SPATA6: variants seen among roughly 807,000 people sequenced by gnomAD.
SPATA6 encodes spermatogenesis-associated protein 6.
In SPATA6, 56 loss-of-function variants were observed where a neutral mutation model predicts 65.3. That is an observed-to-expected ratio of 0.86 (90% CI 0.69 to 1.07). SPATA6 has a LOEUF of 1.07. Among genes scored for constraint, SPATA6 ranks in the 50% least tolerant of loss-of-function variants. SPATA6 has a pLI of 0.00. For synonymous variants in SPATA6, 199 were observed against 213.2 expected (o/e 0.93, Z 0.58); for missense variants, 590 against 594.8 (o/e 0.99, Z 0.08).
chr1:48,411,321 T>G lies in SPATA6; in HGVS notation c.405+143A>C, dbSNP rs1652205260. ...AGTAACATATTGAAATCTAAAACAATTAAGATTTAAACTACAAAACAATTA... is the reference window on the plus strand; with the variant it reads ...AGTAACATATTGAAATCTAAAACAAGTAAGATTTAAACTACAAAACAATTA... On this transcript the variant is annotated intron_variant, in intron 5 of 12. Coordinates refer to ENST00000371847, the MANE Select transcript of SPATA6 (RefSeq NM_019073.4). The G allele has an allele frequency of 8.4e-6, 8 of 947,468 alleles. No individual in the cohort carries two copies. The South Asian group carries it at 2.3e-4, about 27-fold the overall frequency. 58.7% of individuals were successfully genotyped at this position (947,468 alleles called of 1,614,324 possible).
At chr1:48,314,662 C>A (rs925490412) in intron 11 of SPATA6, among the ~76,000 whole-genome samples, 4 of 151,948 alleles carry the variant, frequency 2.6e-5, no homozygotes, top group Non-Finnish European at 4.4e-5. Context: ...ACATTCAAAA[C>A]CTGGCAGAAG....
Position 48,305,796 on chromosome 1 carries a change from G to C in SPATA6, c.1277C>G (p.Pro426Arg), listed in dbSNP as rs545899442. The C allele has an allele frequency of 6.2e-7, 1 of 1,609,682 alleles. No homozygotes were observed. Among genetic ancestry groups the C allele is most frequent in the Non-Finnish European group, 8.5e-7 (1 of 1,177,220 alleles). Residue 426 changes from proline (P) to arginine (R), a missense_variant, in exon 12 of 13, where the codon CCC (proline) becomes CGC (arginine). Physicochemically the swap from Pro to Arg is moderately radical, Grantham distance 103. Transcript: ENST00000371847. ...LCRDSAYDSDPEYSSCQQPRG... is the reference protein window; with the variant it reads ...LCRDSAYDSDREYSSCQQPRG... ...TATATTTCATTCATACCTATACTCG[G>C]GGTCACTGTCATAGGCAGAGTCTCT...
chr1:48,450,207 C>A (rs1656436589), intron 3 of SPATA6, among the ~76,000 whole-genome samples: 1 of 150,780 alleles, frequency 6.6e-6, no homozygotes, highest in Non-Finnish European at 1.5e-5. Context: ...TAAGGAGAGA[C>A]CATAAACAAA....
intron 11 of SPATA6, among the ~76,000 whole-genome samples, chr1:48,307,262 G>A (rs1184411835): frequency 6.6e-6 from 1 of 150,428 alleles, no homozygotes; most frequent in Non-Finnish European, 1.5e-5. Context: ...ATCATATAGG[G>A]GTATTCAGAC....
chr1:48,332,648 A>T (rs928518038), intron 11 of SPATA6, among the ~76,000 whole-genome samples: 2 of 152,220 alleles, frequency 1.3e-5, no homozygotes, highest in Non-Finnish European at 2.9e-5. Flanking sequence ...TACCCTGCTG[A>T]CAGTATTAGA....
chr1:48,405,912 A>C (rs1651658581), intron 5 of SPATA6, among the ~76,000 whole-genome samples: 1 of 152,120 alleles, frequency 6.6e-6, no homozygotes, highest in Non-Finnish European at 1.5e-5. Context: ...AAAAGAAAAG[A>C]ATTAAAGTCT....
chr1:48,314,874 C>T (rs755445892), intron 11 of SPATA6, among the ~76,000 whole-genome samples: 6 of 152,050 alleles, frequency 3.9e-5, no homozygotes, highest in South Asian at 4.1e-4. Context: ...ACCACCGATC[C>T]GACAGAAATA....
At chr1:48,280,870 G>T in the SPATA6 span, among the ~76,000 whole-genome samples, 2 of 152,124 alleles carry the variant, frequency 1.3e-5, no homozygotes, top group South Asian at 4.1e-4. Context: ...GCCGAGCAGA[G>T]ACACAACCAA....
chr1:48,356,908 TCTA>T (rs1646677907), intron 10 of SPATA6, among the ~76,000 whole-genome samples: 1 of 152,196 alleles, frequency 6.6e-6, no homozygotes, highest in Non-Finnish European at 1.5e-5. Context: ...TAATCAATTA[TCTA>T]AACTTTAATC....
chr1:48,378,117 A>G (rs761509425), intron 9 of SPATA6, among the ~76,000 whole-genome samples: 4 of 152,206 alleles, frequency 2.6e-5, no homozygotes, highest in Non-Finnish European at 5.9e-5. Context: ...AATTTCTATT[A>G]TATTAAGTTT....
chr1:48,471,983 C>T lies in SPATA6; in HGVS notation c.26G>A (p.Cys9Tyr), dbSNP rs1268839697. MPKVKALQ[C>Y]ALALEISSVT... ...TGAGCTGATCTCCAGCGCCAGGGCG[C>T]ACTGCAGCGCCTTCACCTTCGGCAT... The change falls in exon 1 of 13, where the codon TGC becomes TAC. Residue 9 changes from cysteine to tyrosine, a missense_variant. Cys to Tyr is a radical substitution (Grantham distance 194). Transcript: ENST00000371847. The T allele has an allele frequency of 6.3e-7, 1 of 1,594,344 alleles. No individual in the cohort carries two copies. The highest frequency in any genetic ancestry group is 1.4e-5 in the African/African-American group (1 of 73,304).
At chr1:48,277,089 T>A in the SPATA6 span, among the ~76,000 whole-genome samples, 1 of 151,512 alleles carries the variant, frequency 6.6e-6, no homozygotes, top group Admixed American at 6.6e-5. Flanking sequence ...ATGGCCTTCT[T>A]TGTTTTTTGC....
chr1:48,419,953 C>G lies in SPATA6; in HGVS notation c.239-6802G>C, dbSNP rs375402626. Among the ~76,000 whole-genome samples the G allele has an allele frequency of 5.3e-5, 8 of 152,202 alleles. No homozygotes were observed. The South Asian group carries it at 1.7e-3, about 32-fold the overall frequency. ...TATGAAATATATATTTGGTCTTCATCCCCCTCCAAAGGACTGTCTTTTTGT... is the reference window on the plus strand; with the variant it reads ...TATGAAATATATATTTGGTCTTCATGCCCCTCCAAAGGACTGTCTTTTTGT... On this transcript the variant is annotated intron_variant, in intron 3 of 12. Transcript: ENST00000371847.
intron 1 of SPATA6, among the ~76,000 whole-genome samples, chr1:48,464,474 G>T (rs1299791177): frequency 6.6e-6 from 1 of 152,134 alleles, no homozygotes; most frequent in African/African-American, 2.4e-5. Flanking sequence ...GTGCAACAAA[G>T]ATATATACAA....
At chr1:48,438,321 A>T (rs1339232268) in intron 3 of SPATA6, among the ~76,000 whole-genome samples, 1 of 152,154 alleles carries the variant, frequency 6.6e-6, no homozygotes, top group Non-Finnish European at 1.5e-5. Flanking sequence ...CCTTTTGCTT[A>T]CTATTCTGTC....
chr1:48,453,649 A>G (rs565037930), intron 1 of SPATA6, among the ~76,000 whole-genome samples: 2 of 152,204 alleles, frequency 1.3e-5, no homozygotes, highest in South Asian at 4.1e-4. Flanking sequence ...TTTCTAGCCC[A>G]ATAAAGTACT....
At chr1:48,301,093 TA>T (rs1202799196) in intron 12 of SPATA6, among the ~76,000 whole-genome samples, 1 of 152,062 alleles carries the variant, frequency 6.6e-6, no homozygotes, top group Non-Finnish European at 1.5e-5. Flanking sequence ...AAAAAGAAGT[TA>T]AATTATTCCC....
At chr1:48,339,747 T>G (rs1244121915) in intron 11 of SPATA6, among the ~76,000 whole-genome samples, 1 of 151,816 alleles carries the variant, frequency 6.6e-6, no homozygotes, top group African/African-American at 2.4e-5. Flanking sequence ...TGATAAAAAT[T>G]GGAAAGAGCG....
chr1:48,417,842 A>C (rs1652918204), intron 3 of SPATA6, among the ~76,000 whole-genome samples: 1 of 152,132 alleles, frequency 6.6e-6, no homozygotes, highest in Non-Finnish European at 1.5e-5. Context: ...ACAAAAAAAC[A>C]AAACAAAACA....
Sources: gnomAD v4.1 joint callset for allele counts (sites outside exome capture counted in the v4.1 genomes callset) on GRCh38, gnomAD v4.1.1 for gene constraint, MANE v1.5 for transcripts, NCBI Gene and HGNC (gene_info 2026-07-23, HGNC 2026-07-21) for gene names.